The following PLBD1 variants were observed in gnomAD, a reference collection of about 807,000 sequenced individuals.
PLBD1 encodes phospholipase B domain containing 1, also known as lysosomal leucine aminopeptidase.
PLBD1 carries 60 observed loss-of-function variants against 63.0 expected under a neutral mutation model. The observed-to-expected ratio is 0.95, with a 90% confidence interval of 0.77 to 1.18. The LOEUF is 1.18. PLBD1 is among the 50% of genes most tolerant of loss of function. PLBD1 has a pLI of 0.00. For missense variants in PLBD1, 598 were observed against 677.9 expected (o/e 0.88, Z 1.31); for synonymous variants, 262 against 248.0 (o/e 1.06, Z -0.53).
intron 8 of PLBD1, among the ~76,000 whole-genome samples, chr12:14,508,127 T>C (rs927405809): frequency 1.3e-5 from 2 of 152,212 alleles, no homozygotes; most frequent in South Asian, 2.1e-4. Context: ...ATGGATGACA[T>C]TGAAATTAAA....
chr12:14,557,569 C>G (rs1366939294), intron 1 of PLBD1, among the ~76,000 whole-genome samples: 1 of 152,094 alleles, frequency 6.6e-6, no homozygotes, highest in South Asian at 2.1e-4. Context: ...AACAGAAAAC[C>G]AAATACTGCA....
At chr12:14,527,947 A>G (rs1410439856) in intron 6 of PLBD1, among the ~76,000 whole-genome samples, 2 of 152,126 alleles carry the variant, frequency 1.3e-5, no homozygotes, top group Non-Finnish European at 2.9e-5. Flanking sequence ...AGACAAAAAA[A>G]AAAGACGTTT....
At chr12:14,539,299 T>C (rs946421931) in intron 4 of PLBD1, among the ~76,000 whole-genome samples, 3 of 152,046 alleles carry the variant, frequency 2.0e-5, no homozygotes, top group African/African-American at 7.2e-5. Context: ...AAATGGAACA[T>C]TAGCAGTGCC....
chr12:14,542,699 AT>A (rs1401629434), intron 2 of PLBD1, among the ~76,000 whole-genome samples: 14 of 152,314 alleles, frequency 9.2e-5, no homozygotes, highest in African/African-American at 3.4e-4. Context: ...CTACATATAC[AT>A]TTAACCATAA....
intron 1 of PLBD1, among the ~76,000 whole-genome samples, chr12:14,564,736 T>C (rs912494830): frequency 1.3e-5 from 2 of 152,216 alleles, no homozygotes; most frequent in Non-Finnish European, 2.9e-5. Flanking sequence ...AGTCTAGCCC[T>C]GCAAGGCCGA....
chr12:14,553,586 C>G (rs1482823468), intron 1 of PLBD1, 174 bp from the exon 2 acceptor site: 1 of 636,128 alleles, frequency 1.6e-6, no homozygotes, highest in Non-Finnish European at 2.7e-6. Context: ...AAACTGGAAT[C>G]CCAATCAAGG....
rs567097451 is a variant in PLBD1 at position 14,509,430 on chromosome 12, T to C, written c.1186+1830A>G. Among the ~76,000 whole-genome samples, 278 of 152,326 alleles carry C rather than the reference T, an allele frequency of 1.8e-3. 1 individual carries two copies. The highest frequency in any genetic ancestry group is 3.5e-3 in the Non-Finnish European group (240 of 68,024). On this transcript the variant is annotated intron_variant, in intron 8 of 10. Transcript: ENST00000240617. ...GCTCTTAGGAGCTGGGTTCTCTGTT[T>C]TGAATTGCTCTATGCTAAACAGTAA... is the stretch of plus-strand genomic sequence containing the variant.
intron 6 of PLBD1, among the ~76,000 whole-genome samples, chr12:14,532,897 A>G (rs541096050): frequency 6.6e-6 from 1 of 152,304 alleles, no homozygotes; most frequent in African/African-American, 2.4e-5. Flanking sequence ...AATTTTCATG[A>G]AGGTAATTCC....
At chr12:14,506,100 T>G (rs1427189509) in intron 10 of PLBD1, 62 bp downstream of exon 10, 2 of 1,156,260 alleles carry the variant, frequency 1.7e-6, no homozygotes, top group African/African-American at 3.1e-5. Flanking sequence ...CCTGTGCAAC[T>G]TTGCCTTTGG....
intron 8 of PLBD1, among the ~76,000 whole-genome samples, chr12:14,509,307 A>G (rs561205742): frequency 4.6e-5 from 7 of 152,320 alleles, no homozygotes; most frequent in Non-Finnish European, 8.8e-5. Flanking sequence ...GGGACTGCAG[A>G]GAACCAAGTC....
At chr12:14,524,033 T>C (rs1030460982) in intron 6 of PLBD1, among the ~76,000 whole-genome samples, 5 of 152,094 alleles carry the variant, frequency 3.3e-5, no homozygotes, top group South Asian at 2.1e-4. Context: ...GAGGGCATTA[T>C]GTTAAATGAA....
intron 8 of PLBD1, among the ~76,000 whole-genome samples, chr12:14,508,973 C>T (rs1210284093): frequency 1.3e-5 from 2 of 152,104 alleles, no homozygotes; most frequent in South Asian, 2.1e-4. Flanking sequence ...TGCTTAAATA[C>T]GTTAGGAGAT....
In PLBD1 at chr12:14,535,893, C is replaced by T. The variant is rs1020711619; in HGVS notation, c.700-90G>A. On this transcript the variant is annotated intron_variant, in intron 5 of 10. Coordinates refer to ENST00000240617, the MANE Select transcript of PLBD1 (RefSeq NM_024829.6). ...TGTAAGAGGCATACAGGGATTGTGC[C>T]ATTTCAGGTAAGTGTTTATTGCTAT... is the stretch of plus-strand genomic sequence containing the variant. The T allele has an allele frequency of 6.6e-5, 91 of 1,368,800 alleles. No homozygotes were observed. The Admixed American group carries it at 9.0e-4, about 14-fold the overall frequency. The allele number at this position is 1,368,800 out of a possible 1,614,324, so 84.8% of individuals were successfully genotyped here. A position where few individuals can be genotyped will look rare whatever the true frequency, so the allele number is the denominator to read the frequency against.
At chr12:14,507,179 A>C in intron 8 of PLBD1, 61 bp from the exon 9 acceptor site, 1 of 1,234,446 alleles carries the variant, frequency 8.1e-7, no homozygotes, top group Non-Finnish European at 1.1e-6. Flanking sequence ...AGAAAAGGAG[A>C]GAGAGCAAAA....
chr12:14,562,017 GA>G (rs936587161), intron 1 of PLBD1, among the ~76,000 whole-genome samples: 1 of 152,202 alleles, frequency 6.6e-6, no homozygotes, highest in African/African-American at 2.4e-5. Context: ...ACACCGGTGT[GA>G]ATAACTTGAC....
intron 8 of PLBD1, among the ~76,000 whole-genome samples, chr12:14,507,829 C>A (rs1269373458): frequency 6.6e-6 from 1 of 152,194 alleles, no homozygotes; most frequent in African/African-American, 2.4e-5. Flanking sequence ...CTACTAGTCA[C>A]TGAGCACCAA....
At chr12:14,538,873 A>G (rs760869675) in intron 4 of PLBD1, among the ~76,000 whole-genome samples, 2 of 152,096 alleles carry the variant, frequency 1.3e-5, no homozygotes, top group Non-Finnish European at 2.9e-5. Flanking sequence ...TAAAAATACA[A>G]AAATTAGCCG....
Position 14,503,768 on chromosome 12 carries a change from T to C in PLBD1, c.*4A>G. The C allele has an allele frequency of 3.7e-6, 6 of 1,610,344 alleles. No individual in the cohort carries two copies. Among genetic ancestry groups the C allele is most frequent in the Non-Finnish European group, 4.2e-6 (5 of 1,176,790 alleles). On this transcript the variant is annotated 3_prime_UTR_variant, in exon 11 of 11. Coordinates refer to ENST00000240617, the MANE Select transcript of PLBD1 (RefSeq NM_024829.6). ...ACAGTCTTCTAGTCCGTCATCTCCC[T>C]CCTTCATTTTATATCAAGTTTCAAA...
chr12:14,527,816 CA>C (rs5796598), intron 6 of PLBD1, among the ~76,000 whole-genome samples: 1 of 146,408 alleles, frequency 6.8e-6, no homozygotes, highest in Non-Finnish European at 1.5e-5. Flanking sequence ...TATGAAATGA[CA>C]AAAAAAAAAG....
Sources: allele counts gnomAD v4.1 joint callset (sites outside exome capture counted in the v4.1 genomes callset), GRCh38; gene constraint gnomAD v4.1.1; transcripts MANE v1.5; gene names NCBI Gene and HGNC (gene_info 2026-07-23, HGNC 2026-07-21).